Variants in PDK3 observed in about 807,000 individuals in gnomAD.
The protein encoded by PDK3 is pyruvate dehydrogenase kinase, isozyme 3.
A neutral mutation model predicts 32.0 loss-of-function variants in PDK3; 12 were observed. The ratio of observed to expected loss-of-function variants is 0.37; its 90% confidence interval spans 0.24 to 0.61. PDK3 has a LOEUF of 0.61. PDK3 is among the 20% of genes least tolerant of loss of function. PDK3 has a pLI of 0.65. For missense variants in PDK3, 188 were observed against 316.9 expected, an observed-to-expected ratio of 0.59 and a Z score of 3.09; for synonymous variants, 122 against 116.3, an observed-to-expected ratio of 1.05 and a Z score of -0.31.
chrX:24,481,110 C>T (rs1249609307), intron 1 of PDK3, among the ~76,000 whole-genome samples: 1 of 106,773 alleles, frequency 9.4e-6, no homozygotes, highest in Non-Finnish European at 1.9e-5. Context: ...GTGGCGCGAT[C>T]TTGGCTCACT....
chrX:24,507,187 T>C (rs995721514), intron 5 of PDK3, among the ~76,000 whole-genome samples: 1 of 111,276 alleles, frequency 9.0e-6, no homozygotes, highest in East Asian at 2.8e-4. Flanking sequence ...TCTTTAGCCC[T>C]AGACAACCAC....
At position 24,541,524 on chromosome X, in the gene PDK3, G is replaced by C. The variant is rs531392839; in HGVS notation, c.*2360G>C. ...TTTCAGTGTCTTCATGACTTAATCGGTAGTTCTTTACTAGCACGCTTTTTG... is the reference window on the plus strand; with the variant it reads ...TTTCAGTGTCTTCATGACTTAATCGCTAGTTCTTTACTAGCACGCTTTTTG... On this transcript the variant is annotated 3_prime_UTR_variant, in exon 12 of 12. Coordinates refer to the PDK3 transcript ENST00000568479. Among the ~76,000 whole-genome samples, 22 of 112,181 alleles carry C rather than the reference G, an allele frequency of 2.0e-4. No individual in the cohort carries two copies. The South Asian group carries it at 8.2e-3, about 42-fold the overall frequency.
intron 3 of PDK3, among the ~76,000 whole-genome samples, chrX:24,502,841 C>T (rs1027730450): frequency 9.0e-6 from 1 of 111,551 alleles, no homozygotes; most frequent in Non-Finnish European, 1.9e-5. Flanking sequence ...GAGACTCCGT[C>T]AAAAGAACAA....
At chrX:24,507,344 C>T (rs1922010610) in intron 5 of PDK3, among the ~76,000 whole-genome samples, 1 of 112,363 alleles carries the variant, frequency 8.9e-6, no homozygotes, top group African/African-American at 3.2e-5. Context: ...TCTTTCAGTA[C>T]TTTATTCCTT....
intron 1 of PDK3, among the ~76,000 whole-genome samples, chrX:24,472,814 A>G (rs1373888003): frequency 9.5e-6 from 1 of 105,364 alleles, no homozygotes; most frequent in Non-Finnish European, 1.9e-5. Flanking sequence ...CAGCCTCCCA[A>G]GTAGCTGGGA....
intron 1 of PDK3, among the ~76,000 whole-genome samples, chrX:24,465,850 A>T (rs1481539861): frequency 3.6e-5 from 4 of 111,472 alleles, no homozygotes; most frequent in African/African-American, 6.5e-5. Context: ...AATCTGCTTG[A>T]CACAAACCTC....
At chrX:24,491,359 A>C (rs1208963752) in intron 1 of PDK3, among the ~76,000 whole-genome samples, 1 of 110,595 alleles carries the variant, frequency 9.0e-6, no homozygotes, top group African/African-American at 3.3e-5. Flanking sequence ...TTCAAGAGGG[A>C]CCACTACAGT....
chrX:24,499,623 T>C (rs1356763292), intron 3 of PDK3, among the ~76,000 whole-genome samples: 1 of 111,919 alleles, frequency 8.9e-6, no homozygotes, highest in Non-Finnish European at 1.9e-5. Flanking sequence ...AGATGTTCCA[T>C]AAGAAGAACT....
intron 1 of PDK3, among the ~76,000 whole-genome samples, chrX:24,471,219 C>T (rs1396928854): frequency 8.9e-6 from 1 of 112,075 alleles, no homozygotes; most frequent in Non-Finnish European, 1.9e-5. Flanking sequence ...AAATTAAATG[C>T]TTTCTTCTTT....
At chrX:24,520,154 C>G (rs951070794) in intron 6 of PDK3, among the ~76,000 whole-genome samples, 3 of 112,026 alleles carry the variant, frequency 2.7e-5, no homozygotes, top group African/African-American at 9.7e-5. Context: ...GATAGTGCCA[C>G]TGCACTCCAC....
chrX:24,466,141 C>G (rs1940061983), intron 1 of PDK3, among the ~76,000 whole-genome samples: 1 of 110,614 alleles, frequency 9.0e-6, no homozygotes, highest in Admixed American at 9.6e-5. Context: ...ATCCTAGCAT[C>G]AGAGCAGGGT....
At chrX:24,483,970 T>C (rs953145672) in intron 1 of PDK3, among the ~76,000 whole-genome samples, 3 of 110,747 alleles carry the variant, frequency 2.7e-5, no homozygotes, top group African/African-American at 9.9e-5. Flanking sequence ...CGCCCCGGCC[T>C]ACCACTGGGA....
chrX:24,480,899 C>A (rs1921236926), intron 1 of PDK3, among the ~76,000 whole-genome samples: 1 of 111,670 alleles, frequency 9.0e-6, no homozygotes, highest in Non-Finnish European at 1.9e-5. Context: ...CCCTACCTCG[C>A]CCTTAAAGGT....
chrX:24,540,889 C>CTTT lies in PDK3; in HGVS notation c.*1761_*1763dup, dbSNP rs369307335. Among the ~76,000 whole-genome samples the CTTT allele has an allele frequency of 5.7e-4, 21 of 36,672 alleles. 4 individuals carry two copies. The highest frequency in any genetic ancestry group is 1.9e-3 in the South Asian group (1 of 532). The allele number at this position is 36,672 out of a possible 115,157, so 31.8% of individuals were successfully genotyped here. ...CTTTACATGCAAAGACCCTAGCTTC[C>CTTT]TTTTTTTTTTTTTTTTTTTTTTTTT... On this transcript the variant is annotated 3_prime_UTR_variant, in exon 12 of 12. Transcript: ENST00000568479.
At chrX:24,503,806 C>T (rs1030385698) in intron 4 of PDK3, among the ~76,000 whole-genome samples, 2 of 112,231 alleles carry the variant, frequency 1.8e-5, no homozygotes, top group African/African-American at 6.5e-5. Context: ...TAATGGCAGC[C>T]GGCCTTCATC....
At chrX:24,539,288 T>C (rs188298454), downstream of PDK3, 14 of 461,126 alleles carry the variant, frequency 3.0e-5, no homozygotes, top group Non-Finnish European at 5.2e-5. Context: ...CTTAAATGTG[T>C]ATTTTCTCTC....
chrX:24,501,484 C>T (rs906277136), intron 3 of PDK3, among the ~76,000 whole-genome samples: 4 of 112,706 alleles, frequency 3.5e-5, no homozygotes, highest in Middle Eastern at 4.6e-3. Context: ...GAGGCCAAGG[C>T]GGGCGGATCA....
chrX:24,474,597 A>G (rs1307487772), intron 1 of PDK3, among the ~76,000 whole-genome samples: 2 of 109,223 alleles, frequency 1.8e-5, no homozygotes, highest in African/African-American at 6.7e-5. Context: ...TATTTTTAGC[A>G]GAGACGGGGT....
chrX:24,484,115 G>A (rs972404741), intron 1 of PDK3, among the ~76,000 whole-genome samples: 4 of 110,952 alleles, frequency 3.6e-5, no homozygotes, highest in African/African-American at 9.9e-5. Context: ...AGGTTCAAGC[G>A]ATTTTCATGC....
Sources: allele counts gnomAD v4.1 joint callset (sites outside exome capture counted in the v4.1 genomes callset), GRCh38; gene constraint gnomAD v4.1.1; transcripts MANE v1.5; gene names NCBI Gene and HGNC (gene_info 2026-07-23, HGNC 2026-07-21).